DCTN5: variants seen among roughly 807,000 people sequenced by gnomAD.
DCTN5 encodes dynactin subunit 5.
DCTN5 carries 14 observed loss-of-function variants against 23.5 expected under a neutral mutation model. The observed-to-expected ratio is 0.60, with a 90% CI of 0.39 to 0.93. DCTN5 has a LOEUF of 0.93. Among genes scored for constraint, DCTN5 ranks in the 40% least tolerant of loss-of-function variants. The probability of loss-of-function intolerance (pLI) is 0.00; values close to 1 mark genes in which losing one functional copy is unlikely to be tolerated. For missense variants in DCTN5, 156 were observed against 225.9 expected, an observed-to-expected ratio of 0.69 and a Z score of 1.98; for synonymous variants, 67 against 79.6, an observed-to-expected ratio of 0.84 and a Z score of 0.84.
In DCTN5 at chr16:23,667,475, C is replaced by T. The variant is rs765170544; in HGVS notation, c.*331C>T. ...GTGGATGGCTGGATCCCGCCTGAAA[C>T]GGACCTGCAGAGCAGCAGCACCCTT... is the stretch of plus-strand genomic sequence containing the variant. On this transcript the variant is annotated 3_prime_UTR_variant, in exon 6 of 6. Transcript: ENST00000300087. The T allele has an allele frequency of 1.4e-5, 4 of 283,160 alleles. No individual in the cohort carries two copies. Among genetic ancestry groups the T allele is most frequent in the South Asian group, 4.6e-5 (1 of 21,722 alleles). 17.5% of individuals were successfully genotyped at this position (283,160 alleles called of 1,614,324 possible). A position where few individuals can be genotyped will look rare whatever the true frequency, so the allele number is the denominator to read the frequency against.
intron 3 of DCTN5, among the ~76,000 whole-genome samples, chr16:23,658,924 G>A (rs1014335161): frequency 9.9e-5 from 15 of 152,196 alleles, no homozygotes; most frequent in Non-Finnish European, 1.9e-4. Flanking sequence ...CAAGGGACCG[G>A]AACCTGGAAT....
Position 23,673,958 on chromosome 16 carries a change from T to C in DCTN5, c.*6814T>C, listed in dbSNP as rs573355455. 16 of 152,354 alleles carry C rather than the reference T, an allele frequency of 1.1e-4. No individual in the cohort carries two copies. The East Asian group carries it at 3.1e-3, about 29-fold the overall frequency. The allele number at this position is 152,354 out of a possible 1,614,324, so 9.4% of individuals were successfully genotyped here. A position where few individuals can be genotyped will look rare whatever the true frequency, so the allele number is the denominator to read the frequency against. ...TATGCATTTTTTTTGAGTGGGTCAA[T>C]TGGACTCTAAGACCAACAAGATAAA... On this transcript the variant is annotated 3_prime_UTR_variant, in exon 6 of 6. Transcript: ENST00000300087.
chr16:23,647,507 T>TTTA (rs1345251993), intron 2 of DCTN5, among the ~76,000 whole-genome samples: 1 of 151,224 alleles, frequency 6.6e-6, no homozygotes, highest in African/African-American at 2.4e-5. Flanking sequence ...TTTTTTTTTT[T>TTTA]AATTTTTTTT....
chr16:23,644,941 G>A (rs1435671401), intron 2 of DCTN5, among the ~76,000 whole-genome samples: 1 of 146,694 alleles, frequency 6.8e-6, no homozygotes, highest in Admixed American at 6.8e-5. Flanking sequence ...CACTACACTG[G>A]GCTAATTTTT....
intron 2 of DCTN5, among the ~76,000 whole-genome samples, chr16:23,652,494 T>C (rs1266050300): frequency 6.6e-6 from 1 of 152,230 alleles, no homozygotes; most frequent in Non-Finnish European, 1.5e-5. Context: ...CTAAAACCAA[T>C]CATCTTTATT....
intron 5 of DCTN5, 43 bp from the exon 6 acceptor site, chr16:23,667,004 T>A (rs755360716): frequency 1.9e-6 from 3 of 1,611,824 alleles, no homozygotes; most frequent in Non-Finnish European, 2.5e-6. Flanking sequence ...TAACTTCTTG[T>A]AACTTCTTCA....
At chr16:23,665,240 A>G (rs1398752450) in intron 4 of DCTN5, among the ~76,000 whole-genome samples, 1 of 152,072 alleles carries the variant, frequency 6.6e-6, no homozygotes, top group Admixed American at 6.5e-5. Context: ...CATGGATGAG[A>G]TGGGGATGGG....
intron 2 of DCTN5, among the ~76,000 whole-genome samples, chr16:23,646,425 T>A (rs1967460064): frequency 1.3e-5 from 2 of 152,190 alleles, no homozygotes; most frequent in African/African-American, 4.8e-5. Flanking sequence ...TTTTGAAGTC[T>A]GGTTTATCTG....
chr16:23,647,768 A>G (rs1002457685), intron 2 of DCTN5, among the ~76,000 whole-genome samples: 18 of 151,934 alleles, frequency 1.2e-4, no homozygotes, highest in African/African-American at 4.4e-4. Context: ...TCAGCCTCCC[A>G]AAGTGCTTGG....
chr16:23,649,778 T>C (rs12925305), intron 2 of DCTN5, among the ~76,000 whole-genome samples: 2 of 145,860 alleles, frequency 1.4e-5, no homozygotes, highest in African/African-American at 5.1e-5. Flanking sequence ...GCAGAGGTTG[T>C]AGTGAGTCGA....
rs1967333253 is a variant in DCTN5, at chr16:23,643,005, C to T, written c.99C>T (p.Asn33=). ...AGTCAGTGTTGTGTGGAAGCCAGAACATCGTTCTCAATGGCAAGGTAAGGG... is the reference window on the plus strand; with the variant it reads ...AGTCAGTGTTGTGTGGAAGCCAGAATATCGTTCTCAATGGCAAGGTAAGGG... ...SRQSVLCGSQ[N]IVLNGKTIVM... Residue 33 remains asparagine (N), a synonymous_variant, in exon 2 of 6, where the codon AAC becomes AAT. Transcript: ENST00000300087. The T allele has an allele frequency of 1.2e-6, 2 of 1,614,166 alleles. No individual in the cohort carries two copies. Among genetic ancestry groups the T allele is most frequent in the Non-Finnish European group, 1.7e-6 (2 of 1,180,016 alleles).
At chr16:23,663,692 GGC>G (rs1967856977) in intron 4 of DCTN5, among the ~76,000 whole-genome samples, 3 of 152,026 alleles carry the variant, frequency 2.0e-5, no homozygotes, top group African/African-American at 7.2e-5. Context: ...CTCCAGCCTG[GGC>G]AACAGAGTGA....
intron 4 of DCTN5, among the ~76,000 whole-genome samples, chr16:23,663,634 T>C (rs1967855505): frequency 6.6e-6 from 1 of 152,030 alleles, no homozygotes; most frequent in Non-Finnish European, 1.5e-5. Context: ...GAGAATCGCT[T>C]GAACCCAGGA....
At position 23,667,241 on chromosome 16, in the gene DCTN5, A is replaced by C. The variant is rs1967924391; in HGVS notation, c.*97A>C. ...CCTACAAAGAGCTTTTGTGTCTTTG[A>C]CATCTACCACCCTCCTCCTTTTAAA... On this transcript the variant is annotated 3_prime_UTR_variant, in exon 6 of 6. Transcript: ENST00000300087. 4 of 1,460,164 alleles carry C rather than the reference A, an allele frequency of 2.7e-6. No individual in the cohort carries two copies. The highest frequency in any genetic ancestry group is 3.8e-6 in the Non-Finnish European group (4 of 1,059,558). 90.5% of individuals were successfully genotyped at this position (1,460,164 alleles called of 1,614,324 possible). A position where few individuals can be genotyped will look rare whatever the true frequency, so the allele number is the denominator to read the frequency against.
At position 23,643,066 on chromosome 16, in the gene DCTN5, G is replaced by A. The variant is rs546594210; in HGVS notation, c.117+43G>A. ...CTCCAGGCTGCAAACCTTAGCTTGCGTTCTGCTAATTGTCACCACAGCAGG... is the reference window on the plus strand; with the variant it reads ...CTCCAGGCTGCAAACCTTAGCTTGCATTCTGCTAATTGTCACCACAGCAGG... On this transcript the variant is annotated intron_variant, in intron 2 of 5. Coordinates refer to ENST00000300087, the MANE Select transcript of DCTN5 (RefSeq NM_032486.4). 935 of 1,539,034 alleles carry A rather than the reference G, an allele frequency of 6.1e-4. 8 individuals carry two copies. The South Asian group carries it at 6.1e-3, about 10-fold the overall frequency.
At chr16:23,644,351 A>G (rs1645889180) in intron 2 of DCTN5, among the ~76,000 whole-genome samples, 1 of 125,520 alleles carries the variant, frequency 8.0e-6, no homozygotes, top group African/African-American at 3.2e-5. Flanking sequence ...CCCAGGTTGG[A>G]GTGCAGTGGT....
chr16:23,644,142 T>G (rs1967370628), intron 2 of DCTN5, among the ~76,000 whole-genome samples: 2 of 151,906 alleles, frequency 1.3e-5, no homozygotes, highest in South Asian at 4.2e-4. Flanking sequence ...TTTCCTTTTT[T>G]GTTGAGACAG....
intron 2 of DCTN5, among the ~76,000 whole-genome samples, chr16:23,657,899 A>C (rs888750546): frequency 2.6e-5 from 4 of 152,280 alleles, no homozygotes; most frequent in African/African-American, 9.6e-5. Flanking sequence ...TGCACTTTTT[A>C]ACCCCATTCA....
rs148262708 is a variant in DCTN5, at chr16:23,665,640, G to A, written c.363G>A (p.Val121=). ...GKNCVIGRRC[V]LKDCCKILDN... ...TTTAATTTCAGGGGCGCCGATGTGT[G>A]TTGAAAGACTGCTGCAAAATTCTTG... The change falls in exon 5 of 6, where the codon GTG becomes GTA. Residue 121 remains valine, a synonymous_variant. Coordinates refer to ENST00000300087, the MANE Select transcript of DCTN5 (RefSeq NM_032486.4). 9.9e-6 allele frequency: 16 copies of A among 1,613,598 alleles called. No individual in the cohort carries two copies. The highest frequency in any genetic ancestry group is 1.4e-5 in the Non-Finnish European group (16 of 1,179,956).
Sources: gnomAD v4.1 joint callset for allele counts (sites outside exome capture counted in the v4.1 genomes callset) on GRCh38, gnomAD v4.1.1 for gene constraint, MANE v1.5 for transcripts, NCBI Gene and HGNC (gene_info 2026-07-23, HGNC 2026-07-21) for gene names.